ARMC8: variants seen among roughly 807,000 people sequenced by gnomAD.
The protein encoded by ARMC8 is armadillo repeat-containing protein 8.
Under a neutral mutation model 99.3 loss-of-function variants are expected in ARMC8, and 20 were observed. The ratio of observed to expected loss-of-function variants is 0.20; its 90% CI spans 0.14 to 0.29. ARMC8 has a LOEUF of 0.29. Ranked by LOEUF, ARMC8 falls within the 10% of genes least tolerant of loss-of-function variation. The pLI is 1.00. For synonymous variants in ARMC8, 263 were observed against 278.3 expected (o/e 0.95, Z 0.55); for missense variants, 569 against 809.5 (o/e 0.70, Z 3.60).
chr3:138,230,520 G>A (rs1409097047), intron 6 of ARMC8, among the ~76,000 whole-genome samples: 1 of 152,130 alleles, frequency 6.6e-6, no homozygotes, highest in Non-Finnish European at 1.5e-5. Context: ...AGGCATGGTG[G>A]CGTGTGCCTG....
intron 16 of ARMC8, among the ~76,000 whole-genome samples, chr3:138,271,913 A>G (rs1357960222): frequency 6.6e-6 from 1 of 151,662 alleles, no homozygotes. Context: ...CTTGTGCCTC[A>G]ACCTCCTGAG....
intron 21 of ARMC8, among the ~76,000 whole-genome samples, chr3:138,293,924 G>A (rs1306848031): frequency 3.3e-5 from 5 of 152,110 alleles, no homozygotes; most frequent in African/African-American, 7.2e-5. Flanking sequence ...CTTCTTAAAC[G>A]TAAACCGTAA....
intron 2 of ARMC8, among the ~76,000 whole-genome samples, chr3:138,220,685 T>A (rs1256460887): frequency 6.6e-6 from 1 of 151,024 alleles, no homozygotes; most frequent in African/African-American, 2.5e-5. Context: ...ATTTGTTGAT[T>A]TTTTTTTCTT....
At chr3:138,239,702 A>G (rs1223572284) in intron 10 of ARMC8, among the ~76,000 whole-genome samples, 174 bp downstream of exon 10, 5 of 152,178 alleles carry the variant, frequency 3.3e-5, no homozygotes, top group Non-Finnish European at 7.4e-5. Context: ...GTTTTTAAAA[A>G]TTGATTTTAG....
At chr3:138,245,059 G>A in intron 11 of ARMC8, 29 bp from the exon 12 acceptor site, 3 of 1,611,810 alleles carry the variant, frequency 1.9e-6, no homozygotes, top group South Asian at 2.2e-5. Context: ...TATGGACTGA[G>A]TTGGAACATA....
intron 12 of ARMC8, among the ~76,000 whole-genome samples, chr3:138,257,259 G>GT (rs1336422317): frequency 6.6e-6 from 1 of 152,096 alleles, no homozygotes; most frequent in Non-Finnish European, 1.5e-5. Context: ...TTGGATTTGG[G>GT]TTTTTTGGTC....
At chr3:138,249,844 C>G (rs2047044770) in intron 12 of ARMC8, among the ~76,000 whole-genome samples, 1 of 152,068 alleles carries the variant, frequency 6.6e-6, no homozygotes, top group African/African-American at 2.4e-5. Flanking sequence ...AAGGAATGAC[C>G]AGTAAGAATT....
intron 12 of ARMC8, chr3:138,245,542 T>C (rs746112344): frequency 1.8e-6 from 2 of 1,120,798 alleles, no homozygotes; most frequent in Non-Finnish European, 1.1e-6. Context: ...GTAAATGTTA[T>C]TTATGGAAAT....
chr3:138,243,697 C>A (rs540687656), intron 11 of ARMC8, among the ~76,000 whole-genome samples: 5 of 152,166 alleles, frequency 3.3e-5, no homozygotes, highest in Admixed American at 3.3e-4. Context: ...TTGTTACCTA[C>A]GTTATATTAC....
intron 11 of ARMC8, among the ~76,000 whole-genome samples, 183 bp from the exon 12 acceptor site, chr3:138,244,905 C>T (rs919588228): frequency 3.3e-5 from 5 of 152,148 alleles, no homozygotes; most frequent in African/African-American, 1.2e-4. Flanking sequence ...CACATTGATA[C>T]GAACACTGCA....
chr3:138,272,769 G>A (rs1248430287), intron 16 of ARMC8, among the ~76,000 whole-genome samples, 198 bp from the exon 17 acceptor site: 1 of 152,300 alleles, frequency 6.6e-6, no homozygotes, highest in South Asian at 2.1e-4. Flanking sequence ...CAGCTACTCA[G>A]GAGACTGAGG....
At chr3:138,248,946 G>C (rs2047002424) in intron 12 of ARMC8, among the ~76,000 whole-genome samples, 1 of 152,170 alleles carries the variant, frequency 6.6e-6, no homozygotes, top group Non-Finnish European at 1.5e-5. Context: ...AAAGTTTTCT[G>C]CTTCAATTTG....
chr3:138,202,240 G>A (rs976147740), intron 1 of ARMC8, among the ~76,000 whole-genome samples: 1 of 152,222 alleles, frequency 6.6e-6, no homozygotes, highest in East Asian at 1.9e-4. Context: ...CATTCATTTC[G>A]TCTGGGGTCA....
chr3:138,206,976 G>A (rs889550772), intron 1 of ARMC8, among the ~76,000 whole-genome samples: 2 of 152,140 alleles, frequency 1.3e-5, no homozygotes, highest in African/African-American at 4.8e-5. Flanking sequence ...TGACCAAAAG[G>A]CAGTGTGAAA....
intron 16 of ARMC8, among the ~76,000 whole-genome samples, chr3:138,272,196 A>G (rs914463774): frequency 9.2e-5 from 14 of 152,164 alleles, no homozygotes; most frequent in African/African-American, 3.4e-4. Flanking sequence ...GCCAACACCT[A>G]CCATAGTATT....
chr3:138,195,067 G>T (rs1352961538), intron 1 of ARMC8, among the ~76,000 whole-genome samples: 1 of 152,004 alleles, frequency 6.6e-6, no homozygotes, highest in Non-Finnish European at 1.5e-5. Flanking sequence ...CTGAGATCAG[G>T]AGTTCGAGAT....
intron 6 of ARMC8, among the ~76,000 whole-genome samples, chr3:138,230,035 C>G (rs1016441094): frequency 6.6e-6 from 1 of 152,114 alleles, no homozygotes; most frequent in Non-Finnish European, 1.5e-5. Flanking sequence ...ACATCTAAAC[C>G]CCCTTCCAAA....
chr3:138,211,935 A>G (rs2044715041), intron 2 of ARMC8, among the ~76,000 whole-genome samples: 1 of 152,228 alleles, frequency 6.6e-6, no homozygotes, highest in African/African-American at 2.4e-5. Flanking sequence ...TCCTCAAAGA[A>G]GAGAAAGGGG....
At chr3:138,201,436 CTTTTTTTTTTTTTTTTTTTTTTTTTTTT>C (rs58707271) in intron 1 of ARMC8, among the ~76,000 whole-genome samples, 9 of 64,996 alleles carry the variant, frequency 1.4e-4, no homozygotes, top group Admixed American at 2.4e-4. Flanking sequence ...CTTCCCCTCC[CTTTTTTTTTTTTTTTTTTTTTTTTTTTT>C]TTTTTTTTTT....
Sources: allele counts gnomAD v4.1 joint callset (sites outside exome capture counted in the v4.1 genomes callset), GRCh38; gene constraint gnomAD v4.1.1; transcripts MANE v1.5; gene names NCBI Gene and HGNC (gene_info 2026-07-23, HGNC 2026-07-21).